Variants in SEC24A observed in about 807,000 individuals in gnomAD.
The protein encoded by SEC24A is protein transport protein Sec24A.
SEC24A carries 93 observed loss-of-function variants against 129.4 expected under a neutral mutation model. That is an observed-to-expected ratio of 0.72 (90% CI 0.61 to 0.85). SEC24A has a LOEUF of 0.85. Among genes scored for constraint, SEC24A ranks in the 40% least tolerant of loss-of-function variants. The pLI, the probability that SEC24A is intolerant of heterozygous loss-of-function variation, is 0.00. For missense variants in SEC24A, 1,264 were observed against 1,307.4 expected, an observed-to-expected ratio of 0.97 and a Z score of 0.51; for synonymous variants, 460 against 467.3, an observed-to-expected ratio of 0.98 and a Z score of 0.20.
intron 12 of SEC24A, 144 bp from the exon 13 acceptor site, chr5:134,693,583 A>G: frequency 7.0e-7 from 1 of 1,435,530 alleles, no homozygotes; most frequent in East Asian, 2.5e-5. Flanking sequence ...CTTTCTTGTC[A>G]TTTGACCAAC....
At chr5:134,677,901 A>G (rs1001830646) in intron 7 of SEC24A, among the ~76,000 whole-genome samples, 4 of 152,136 alleles carry the variant, frequency 2.6e-5, no homozygotes, top group Non-Finnish European at 4.4e-5. Context: ...TTGTTGTCCA[A>G]GGCACTGGCT....
chr5:134,687,759 T>G (rs1054365582), intron 10 of SEC24A, among the ~76,000 whole-genome samples: 1 of 152,234 alleles, frequency 6.6e-6, no homozygotes, highest in African/African-American at 2.4e-5. Context: ...TTCCACATAT[T>G]TGTAGTTCTT....
chr5:134,713,874 C>T (rs375118982), intron 18 of SEC24A, among the ~76,000 whole-genome samples: 1 of 94,892 alleles, frequency 1.1e-5, no homozygotes, highest in Non-Finnish European at 2.3e-5. Flanking sequence ...ACTAAAAATA[C>T]AAAAAAAAAA....
chr5:134,659,301 T>C (rs376963777), intron 1 of SEC24A, among the ~76,000 whole-genome samples: 2 of 152,136 alleles, frequency 1.3e-5, no homozygotes, highest in East Asian at 3.9e-4. Context: ...CTTGATCTCC[T>C]GACCTCGTGA....
chr5:134,719,978 T>C (rs1338975495), intron 20 of SEC24A, among the ~76,000 whole-genome samples: 1 of 151,880 alleles, frequency 6.6e-6, no homozygotes, highest in Non-Finnish European at 1.5e-5. Context: ...AGAGCAAAAC[T>C]ACGTCTCAAA....
chr5:134,658,909 T>G (rs1400718574), intron 1 of SEC24A, among the ~76,000 whole-genome samples: 1 of 152,138 alleles, frequency 6.6e-6, no homozygotes, highest in Non-Finnish European at 1.5e-5. Flanking sequence ...GGAAGTAGAT[T>G]ATGACAATTG....
In SEC24A at chr5:134,706,123, G is replaced by A. The variant is rs1752153730; in HGVS notation, c.2551+686G>A. ...GCTGGTCTTGAACTCCCGACCTCAT[G>A]TAATCCACCCGCTTTGGCCTCCCAA... On this transcript the variant is annotated intron_variant, in intron 17 of 22. Coordinates refer to ENST00000398844, the MANE Select transcript of SEC24A (RefSeq NM_021982.3). Among the ~76,000 whole-genome samples the A allele has an allele frequency of 2.0e-5, 3 of 152,172 alleles. No individual in the cohort carries two copies. The South Asian group carries it at 6.2e-4, about 31-fold the overall frequency.
intron 15 of SEC24A, among the ~76,000 whole-genome samples, chr5:134,702,609 A>G (rs183976189): frequency 2.2e-4 from 33 of 152,330 alleles, no homozygotes; most frequent in Non-Finnish European, 3.1e-4. Flanking sequence ...GTCGATTTAC[A>G]TAAGTGACAT....
chr5:134,665,590 C>A (rs1393626044), intron 2 of SEC24A, among the ~76,000 whole-genome samples: 1 of 151,786 alleles, frequency 6.6e-6, no homozygotes, highest in African/African-American at 2.4e-5. Flanking sequence ...GAGTCTCGCT[C>A]TTGTTGCCCA....
At chr5:134,677,653 C>T (rs187445543) in intron 7 of SEC24A, among the ~76,000 whole-genome samples, 7 of 151,566 alleles carry the variant, frequency 4.6e-5, no homozygotes, top group East Asian at 1.9e-4. Context: ...GCCTGGCCAA[C>T]GTGGTGAAAC....
chr5:134,705,090 A>ATATAT (rs1180461537), intron 16 of SEC24A, among the ~76,000 whole-genome samples: 174 of 123,258 alleles, frequency 1.4e-3, no homozygotes, highest in East Asian at 2.0e-3. Flanking sequence ...ATATATATAT[A>ATATAT]TTTTTTTTTT....
At chr5:134,695,646 G>A (rs546649951) in intron 13 of SEC24A, among the ~76,000 whole-genome samples, 111 of 152,136 alleles carry the variant, frequency 7.3e-4, no homozygotes, top group Middle Eastern at 3.4e-3. Flanking sequence ...TTAACCGGGC[G>A]TGGTGGCACA....
chr5:134,657,182 G>GCACACACACACACACACACACACA (rs70976550), intron 1 of SEC24A, among the ~76,000 whole-genome samples: 17 of 136,306 alleles, frequency 1.2e-4, no homozygotes, highest in African/African-American at 2.2e-4. Flanking sequence ...TCTGAAAAAC[G>GCACACACACACACACACACACACA]CACACACACA....
At chr5:134,698,117 A>C in intron 15 of SEC24A, 60 bp downstream of exon 15, 1 of 1,394,766 alleles carries the variant, frequency 7.2e-7, no homozygotes, top group Non-Finnish European at 9.9e-7. Flanking sequence ...GTAAATGTAC[A>C]TGTTTTTATC....
chr5:134,710,163 T>A (rs1275818872), intron 18 of SEC24A, among the ~76,000 whole-genome samples: 1 of 152,024 alleles, frequency 6.6e-6, no homozygotes, highest in Non-Finnish European at 1.5e-5. Flanking sequence ...CCTCCCAAAT[T>A]GCTAGGATTA....
At chr5:134,702,007 C>G (rs1475221747) in intron 15 of SEC24A, among the ~76,000 whole-genome samples, 1 of 152,126 alleles carries the variant, frequency 6.6e-6, no homozygotes, top group Non-Finnish European at 1.5e-5. Flanking sequence ...TAATCATATA[C>G]CCTTCAGAAA....
chr5:134,674,776 G>A lies in SEC24A; in HGVS notation c.978+1G>A. 1.2e-6 allele frequency: 2 copies of A among 1,609,920 alleles called. No individual in the cohort carries two copies. The highest frequency in any genetic ancestry group is 1.7e-6 in the Non-Finnish European group (2 of 1,178,492). On this transcript the variant is annotated splice_donor_variant, in intron 5 of 22. Transcript: ENST00000398844. LOFTEE classifies it high-confidence loss of function. ...AAGTGGGCCACAAGCCTTTACTCAG[G>A]TAAACTTTTTGGGATTTTCTTTAAC...
Position 134,726,118 on chromosome 5 carries a change from T to A in SEC24A, c.*1024T>A, listed in dbSNP as rs1313687409. The A allele has an allele frequency of 2.0e-5, 3 of 152,538 alleles. No homozygotes were observed. Among genetic ancestry groups the A allele is most frequent in the Non-Finnish European group, 2.9e-5 (2 of 67,952 alleles). The allele number at this position is 152,538 out of a possible 1,614,324, so 9.4% of individuals were successfully genotyped here. ...GAAAGCATAAATGCTGCTGTTTGAT[T>A]TGGTGGATATTAAGATTATACACAT... On this transcript the variant is annotated 3_prime_UTR_variant, in exon 23 of 23. Coordinates refer to ENST00000398844, the MANE Select transcript of SEC24A (RefSeq NM_021982.3).
At chr5:134,689,466 A>G (rs979804186) in intron 11 of SEC24A, among the ~76,000 whole-genome samples, 1 of 152,250 alleles carries the variant, frequency 6.6e-6, no homozygotes, top group Non-Finnish European at 1.5e-5. Flanking sequence ...AAAATGTGGT[A>G]TAAACGTATA....
Sources: allele counts gnomAD v4.1 joint callset (sites outside exome capture counted in the v4.1 genomes callset), GRCh38; gene constraint gnomAD v4.1.1; transcripts MANE v1.5; gene names NCBI Gene and HGNC (gene_info 2026-07-23, HGNC 2026-07-21).